Variants in MGAT1 observed in about 807,000 individuals in gnomAD.
MGAT1 encodes the protein alpha-1,3-mannosyl-glycoprotein 2-beta-N-acetylglucosaminyltransferase.
Under a neutral mutation model 31.7 loss-of-function variants are expected in MGAT1, and 14 were observed. The ratio of observed to expected loss-of-function variants is 0.44; its 90% CI spans 0.29 to 0.69. The LOEUF (loss-of-function observed/expected upper bound fraction) is 0.69, where lower values mean the gene tolerates loss of function less well. Among genes scored for constraint, MGAT1 ranks in the 30% least tolerant of loss-of-function variants. The pLI, the probability that MGAT1 is intolerant of heterozygous loss-of-function variation, is 0.12. For synonymous variants in MGAT1, 338 were observed against 276.0 expected, an observed-to-expected ratio of 1.22 and a Z score of -2.23; for missense variants, 557 against 626.0, an observed-to-expected ratio of 0.89 and a Z score of 1.18.
At chr5:180,793,371 A>G (rs1387442606) in intron 1 of MGAT1, among the ~76,000 whole-genome samples, 1 of 152,146 alleles carries the variant, frequency 6.6e-6, no homozygotes, top group Admixed American at 6.5e-5. Flanking sequence ...TCCAGGTGGG[A>G]AGGAGGAGGG....
At chr5:180,814,488 C>T (rs1457790558) in intron 1 of MGAT1, among the ~76,000 whole-genome samples, 1 of 152,220 alleles carries the variant, frequency 6.6e-6, no homozygotes, top group Non-Finnish European at 1.5e-5. Context: ...TTACCCACCA[C>T]TTGCTGTACA....
In MGAT1 at chr5:180,785,678, A is replaced by C. The variant is rs1365571254; in HGVS notation, c.*5956T>G. On this transcript the variant is annotated 3_prime_UTR_variant, in exon 2 of 2. Coordinates refer to ENST00000307826, the MANE Select transcript of MGAT1 (RefSeq NM_002406.4). ...CCCCATTCCGCTGCCAGCGTCCTGC[A>C]GGCCCCTCCTCAGGGAAGGCCCTCG... 1 of 152,346 alleles carries C rather than the reference A, an allele frequency of 6.6e-6. No individual in the cohort carries two copies. The highest frequency in any genetic ancestry group is 2.4e-5 in the African/African-American group (1 of 41,478). The allele number at this position is 152,346 out of a possible 1,614,324, so 9.4% of individuals were successfully genotyped here. A position where few individuals can be genotyped will look rare whatever the true frequency, so the allele number is the denominator to read the frequency against.
At chr5:180,799,687 T>G (rs142793701) in intron 1 of MGAT1, among the ~76,000 whole-genome samples, 9 of 152,262 alleles carry the variant, frequency 5.9e-5, no homozygotes, top group Admixed American at 2.0e-4. Context: ...AAGTGTGACA[T>G]TTTCCAGAGA....
chr5:180,799,683 G>A (rs1770293516), intron 1 of MGAT1, among the ~76,000 whole-genome samples: 1 of 152,190 alleles, frequency 6.6e-6, no homozygotes. Flanking sequence ...AGTGAAGTGT[G>A]ACATTTTCCA....
upstream of MGAT1, among the ~76,000 whole-genome samples, chr5:180,804,556 G>T (rs1024857080): frequency 1.3e-5 from 2 of 152,258 alleles, no homozygotes; most frequent in African/African-American, 4.8e-5. Flanking sequence ...GGATATGCCA[G>T]TCAGAGGCCA....
At position 180,792,703 on chromosome 5, in the gene MGAT1, G is replaced by A; in HGVS notation, c.269C>T (p.Ala90Val). The change falls in exon 2 of 2, where the codon GCC becomes GTC. Residue 90 changes from alanine to valine, a missense_variant. Transcript: ENST00000307826. ...SSQRGRVPTA[A>V]PPAQPRVPVT... ...AGGCACACGCGGCTGGGCGGGAGGG[G>A]CCGCGGTGGGCACCCTCCCCCGCTG... 1.3e-6 allele frequency: 2 copies of A among 1,550,292 alleles called. No homozygotes were observed. The highest frequency in any genetic ancestry group is 1.7e-6 in the Non-Finnish European group (2 of 1,149,938).
chr5:180,799,193 GACATCC>G (rs1770150758), intron 1 of MGAT1, among the ~76,000 whole-genome samples: 1 of 152,120 alleles, frequency 6.6e-6, no homozygotes, highest in Non-Finnish European at 1.5e-5. Flanking sequence ...TCATTATGAT[GACATCC>G]AAAGCCCTTC....
chr5:180,804,656 G>C (rs1259712015), upstream of MGAT1, among the ~76,000 whole-genome samples: 1 of 152,178 alleles, frequency 6.6e-6, no homozygotes, highest in Non-Finnish European at 1.5e-5. Flanking sequence ...AAGGCGTAAA[G>C]GAAAAAACAA....
rs1465899360 is a variant in MGAT1, at chr5:180,789,109, A to G, written c.*2525T>C. ...GGAAGGCAAAACCCGCTCCACACAA[A>G]TCTCAAAGGTTAAAATAAAACCAAT... On this transcript the variant is annotated 3_prime_UTR_variant, in exon 2 of 2. Coordinates refer to ENST00000307826, the MANE Select transcript of MGAT1 (RefSeq NM_002406.4). 6.6e-6 allele frequency: 1 copy of G among 152,258 alleles called. No individual in the cohort carries two copies. The highest frequency in any genetic ancestry group is 1.5e-5 in the Non-Finnish European group (1 of 68,064). The allele number at this position is 152,258 out of a possible 1,614,324, so 9.4% of individuals were successfully genotyped here.
At chr5:180,800,109 TC>T (rs1356188622) in intron 1 of MGAT1, among the ~76,000 whole-genome samples, 6 of 152,146 alleles carry the variant, frequency 3.9e-5, no homozygotes, top group African/African-American at 1.2e-4. Context: ...GCCACTAAGT[TC>T]TGGGGTGACT....
intron 1 of MGAT1, among the ~76,000 whole-genome samples, chr5:180,798,180 A>C (rs1278323916): frequency 6.6e-6 from 1 of 152,170 alleles, no homozygotes; most frequent in Non-Finnish European, 1.5e-5. Flanking sequence ...GAGATGAGCC[A>C]TGTTAGGTGT....
intron 1 of MGAT1, among the ~76,000 whole-genome samples, chr5:180,801,716 G>A (rs1375879948): frequency 6.6e-6 from 1 of 152,210 alleles, no homozygotes; most frequent in Non-Finnish European, 1.5e-5. Context: ...CATCTATAAG[G>A]TGACAGGGTT....
At chr5:180,803,870 G>A (rs1206943562), upstream of MGAT1, 1 of 152,400 alleles carries the variant, frequency 6.6e-6, no homozygotes. Context: ...CTGGGTAGCT[G>A]ACTTCCCCAA....
At chr5:180,794,257 T>C (rs1008178073) in intron 1 of MGAT1, among the ~76,000 whole-genome samples, 2 of 145,752 alleles carry the variant, frequency 1.4e-5, no homozygotes, top group African/African-American at 5.1e-5. Context: ...CTGGGCATGG[T>C]GGCACGCACC....
upstream of MGAT1, among the ~76,000 whole-genome samples, chr5:180,806,854 G>A (rs879305631): frequency 1.3e-5 from 2 of 152,192 alleles, no homozygotes; most frequent in African/African-American, 2.4e-5. Context: ...GTATCCCCGA[G>A]GGATCACTGT....
At chr5:180,802,602 C>T (rs1240253836) in intron 1 of MGAT1, 78 bp downstream of exon 1, 1 of 152,370 alleles carries the variant, frequency 6.6e-6, no homozygotes, top group African/African-American at 2.4e-5. Context: ...TTTGGGGCGA[C>T]CCGACGTCCC....
chr5:180,812,848 A>T (rs888125532), intron 1 of MGAT1, among the ~76,000 whole-genome samples: 21 of 152,248 alleles, frequency 1.4e-4, no homozygotes, highest in African/African-American at 2.9e-4. Context: ...AAAAATTATT[A>T]AAAAATATGC....
In MGAT1 at chr5:180,791,889, G is replaced by A. The variant is rs374917257; in HGVS notation, c.1083C>T (p.Arg361=). The A allele has an allele frequency of 5.0e-6, 8 of 1,614,088 alleles. No homozygotes were observed. The highest frequency in any genetic ancestry group is 1.7e-5 in the Admixed American group (1 of 60,014). ...CCTGCAGCTGGGGAGCACCGTAGACGCGGGCGAGGAAATCTCGGTCATAGG... is the reference window on the plus strand; with the variant it reads ...CCTGCAGCTGGGGAGCACCGTAGACACGGGCGAGGAAATCTCGGTCATAGG... The part of the protein sequence containing the change: ...REAYDRDFLA[R]VYGAPQLQVE... Residue 361 remains arginine, a synonymous_variant, in exon 2 of 2, where the codon CGC becomes CGT. Transcript: ENST00000307826.
chr5:180,808,644 T>C (rs915729258), intron 2 of MGAT1: 1 of 152,230 alleles, frequency 6.6e-6, no homozygotes, highest in Non-Finnish European at 1.5e-5. Context: ...GACAGGAGCC[T>C]TACCTTTCTT....
Sources: allele counts gnomAD v4.1 joint callset (sites outside exome capture counted in the v4.1 genomes callset), GRCh38; gene constraint gnomAD v4.1.1; transcripts MANE v1.5; gene names NCBI Gene and HGNC (gene_info 2026-07-23, HGNC 2026-07-21).